The following IQSEC1 variants were observed in gnomAD, a reference collection of about 807,000 sequenced individuals.
The protein encoded by IQSEC1 is IQ motif and SEC7 domain-containing protein 1.
Under a neutral mutation model 91.0 loss-of-function variants are expected in IQSEC1, and 31 were observed. The ratio of observed to expected loss-of-function variants is 0.34; its 90% CI spans 0.26 to 0.46. The LOEUF (loss-of-function observed/expected upper bound fraction) is 0.46, where lower values mean the gene tolerates loss of function less well. IQSEC1 is among the 20% of genes least tolerant of loss of function. The pLI is 1.00. For missense variants in IQSEC1, 1,388 were observed against 1,575.6 expected (o/e 0.88, Z 2.02); for synonymous variants, 699 against 662.6 (o/e 1.05, Z -0.84).
chr3:13,047,407 T>C (rs1228330276), intron 1 of IQSEC1: 1 of 874,768 alleles, frequency 1.1e-6, no homozygotes, highest in Admixed American at 6.2e-5. Flanking sequence ...GAGGCCTGCC[T>C]CTGGGTGCAG....
chr3:13,200,064 CACAT>C (rs1412951972), intron 1 of IQSEC1, among the ~76,000 whole-genome samples: 6 of 148,494 alleles, frequency 4.0e-5, no homozygotes, highest in Non-Finnish European at 8.9e-5. Context: ...ACACACCACA[CACAT>C]ACACACAACA....
chr3:13,199,844 CA>C (rs56722190), intron 1 of IQSEC1, among the ~76,000 whole-genome samples: 152,154 of 152,154 alleles, frequency 1, 76,077 homozygotes, highest in Non-Finnish European at 1. Flanking sequence ...GCAGCCCCCG[CA>C]AGGGAAACCA....
At chr3:13,277,940 C>G (rs1320430472) in intron 1 of IQSEC1, among the ~76,000 whole-genome samples, 1 of 152,110 alleles carries the variant, frequency 6.6e-6, no homozygotes, top group Non-Finnish European at 1.5e-5. Flanking sequence ...ATCAGGGGCT[C>G]CCGGCAGGAC....
In IQSEC1 at chr3:12,941,733, A is replaced by G; in HGVS notation, c.156T>C (p.Tyr52=). 6.2e-7 allele frequency: 1 copy of G among 1,612,400 alleles called. No individual in the cohort carries two copies. Among genetic ancestry groups the G allele is most frequent in the Non-Finnish European group, 8.5e-7 (1 of 1,179,954 alleles). The part of the protein sequence containing the change: ...DHYEHTSVGA[Y]GLYSGPPGQQ... Reference sequence around the variant, plus strand: ...GCCCCGGCGGCCCCGAGTACAGCCCATAGGCTCCCACTGACGTGTGCTCGT... The same window carrying G: ...GCCCCGGCGGCCCCGAGTACAGCCCGTAGGCTCCCACTGACGTGTGCTCGT... Residue 52 remains tyrosine, a synonymous_variant, in exon 2 of 14, where the codon TAT becomes TAC. Coordinates refer to ENST00000613206, the MANE Select transcript of IQSEC1 (RefSeq NM_001134382.3).
intron 2 of IQSEC1, among the ~76,000 whole-genome samples, chr3:13,154,438 C>CATACATATATATATATATAT (rs1707049640): frequency 9.6e-5 from 2 of 20,746 alleles, no homozygotes; most frequent in African/African-American, 4.6e-4. Flanking sequence ...AACTTACATG[C>CATACATATATATATATATAT]ATATATATAT....
Position 12,899,335 on chromosome 3 carries a change from C to T in IQSEC1, c.*1648G>A. 1 of 1,596,272 alleles carries T rather than the reference C, an allele frequency of 6.3e-7. No individual in the cohort carries two copies. The highest frequency in any genetic ancestry group is 1.1e-5 in the South Asian group (1 of 89,642). The stretch of plus-strand genomic sequence containing the variant: ...GAGTCAGGCGTGAGCTTCGCCCTTT[C>T]TGAAAGGGCCTCCGCCTGGGCAGGC... On this transcript the variant is annotated 3_prime_UTR_variant, in exon 14 of 14. Coordinates refer to ENST00000613206, the MANE Select transcript of IQSEC1 (RefSeq NM_001134382.3).
rs1293437566 is a variant in IQSEC1, at chr3:12,979,291, C to G, written c.24-37426G>C. ...TAAACTCCTGCTTTGATCCTGTTAT[C>G]AGCCCCATCCCTGAGGCCTGCTGTG... On this transcript the variant is annotated intron_variant, in intron 1 of 13. Coordinates refer to ENST00000613206, the MANE Select transcript of IQSEC1 (RefSeq NM_001134382.3). This position sits in a 1 kb window ranked among gnomAD's most constrained non-coding sequence, Gnocchi z 4.3. Among the ~76,000 whole-genome samples, 1 of 152,240 alleles carries G rather than the reference C, an allele frequency of 6.6e-6. No homozygotes were observed. Among genetic ancestry groups the G allele is most frequent in the East Asian group, 1.9e-4 (1 of 5,200 alleles).
chr3:13,160,817 G>A (rs1373538689), intron 2 of IQSEC1, among the ~76,000 whole-genome samples: 2 of 152,246 alleles, frequency 1.3e-5, no homozygotes, highest in Admixed American at 1.3e-4. Flanking sequence ...CCTGTTCTGT[G>A]CCCCACAGGT....
At chr3:13,266,290 A>G (rs535311290) in intron 1 of IQSEC1, among the ~76,000 whole-genome samples, 1 of 152,354 alleles carries the variant, frequency 6.6e-6, no homozygotes, top group South Asian at 2.1e-4. Context: ...TCTCAATGCC[A>G]TCGCCCTTGG....
At chr3:13,159,744 T>C (rs994612870) in intron 2 of IQSEC1, among the ~76,000 whole-genome samples, 2 of 152,198 alleles carry the variant, frequency 1.3e-5, no homozygotes, top group Non-Finnish European at 2.9e-5. Flanking sequence ...CTTATTCCTA[T>C]GACTGAATGT....
intron 1 of IQSEC1, among the ~76,000 whole-genome samples, chr3:12,955,651 G>A (rs1171984410): frequency 6.6e-6 from 1 of 152,216 alleles, no homozygotes; most frequent in Non-Finnish European, 1.5e-5. Flanking sequence ...AACCCCTAAC[G>A]CCAATCCTGC....
chr3:13,278,344 GC>G (rs1695729773), intron 1 of IQSEC1, among the ~76,000 whole-genome samples: 1 of 152,010 alleles, frequency 6.6e-6, no homozygotes, highest in African/African-American at 2.4e-5. Flanking sequence ...TTAAATCCTT[GC>G]CCCCTCTACA....
In IQSEC1 at chr3:12,902,948, A is replaced by G. The variant is rs1397492934; in HGVS notation, c.2756-126T>C. ...GGGAGCAGGCACAGGTGCCGGGCCC[A>G]CCTGCCCGCAGGAGCCAGGTGTGAG... is the stretch of plus-strand genomic sequence containing the variant. On this transcript the variant is annotated intron_variant, in intron 12 of 13. Transcript: ENST00000613206. 29 of 743,288 alleles carry G rather than the reference A, an allele frequency of 3.9e-5. No homozygotes were observed. In the Middle Eastern group the frequency reaches 7.9e-4, roughly 20 times the overall value. 46.0% of individuals were successfully genotyped at this position (743,288 alleles called of 1,614,324 possible). A position where few individuals can be genotyped will look rare whatever the true frequency, so the allele number is the denominator to read the frequency against.
In IQSEC1 at chr3:13,067,369, C is replaced by T. The variant is rs114609919; in HGVS notation, c.23+5623G>A. 2.2e-3 allele frequency among the ~76,000 whole-genome samples: 339 copies of T among 152,320 alleles called. 3 individuals are homozygous for T. The highest frequency in any genetic ancestry group is 7.9e-3 in the African/African-American group (327 of 41,560). On this transcript the variant is annotated intron_variant, in intron 1 of 13. Transcript: ENST00000613206. ...GCACCCAGGAGCAACGCCTCCTAAG[C>T]CCCCACTGGTGGTGACAAAACTGGT...
chr3:13,277,491 T>C (rs945687346), intron 1 of IQSEC1, among the ~76,000 whole-genome samples: 12 of 152,222 alleles, frequency 7.9e-5, no homozygotes, highest in Admixed American at 7.2e-4. Context: ...ATTTGCCCAG[T>C]CTGTCAGACA....
chr3:13,050,215 G>A (rs867780132), intron 1 of IQSEC1, among the ~76,000 whole-genome samples: 1 of 152,138 alleles, frequency 6.6e-6, no homozygotes, highest in African/African-American at 2.4e-5. Context: ...CAAGTTGTCT[G>A]CAGCCTTGTC....
chr3:13,004,425 C>T (rs188507320), intron 1 of IQSEC1, among the ~76,000 whole-genome samples: 4 of 152,092 alleles, frequency 2.6e-5, no homozygotes, highest in Non-Finnish European at 5.9e-5. Flanking sequence ...AGGGGGAAGC[C>T]GATGTGGAAA....
At chr3:13,162,560 C>T (rs547044590) in intron 2 of IQSEC1, among the ~76,000 whole-genome samples, 22 of 152,312 alleles carry the variant, frequency 1.4e-4, no homozygotes, top group African/African-American at 5.3e-4. Flanking sequence ...AGGCCCTGCC[C>T]CTTGCCCTCC....
chr3:12,905,561 A>G (rs912719403), intron 12 of IQSEC1, among the ~76,000 whole-genome samples: 1 of 152,334 alleles, frequency 6.6e-6, no homozygotes, highest in South Asian at 2.1e-4. Context: ...GTGGGGGATG[A>G]GCTCAGGCTG....
Sources: allele counts gnomAD v4.1 joint callset (sites outside exome capture counted in the v4.1 genomes callset), GRCh38; gene constraint gnomAD v4.1.1; non-coding constraint Gnocchi (gnomAD v3.1); transcripts MANE v1.5; gene names NCBI Gene and HGNC (gene_info 2026-07-23, HGNC 2026-07-21).